BLTP3B: variants seen among roughly 807,000 people sequenced by gnomAD.
BLTP3B encodes UHRF1 (ICBP90) binding protein 1-like.
At chr12:100,084,585 C>T in the BLTP3B span, 2 of 1,614,014 alleles carry the variant, frequency 1.2e-6, no homozygotes. Flanking sequence ...CAAATTCATG[C>T]AATAACTCAT....
At chr12:100,117,459 C>T in the BLTP3B span, among the ~76,000 whole-genome samples, 1 of 152,066 alleles carries the variant, frequency 6.6e-6, no homozygotes, top group African/African-American at 2.4e-5. Flanking sequence ...GAATTACCTG[C>T]AGAACTTTTT....
the BLTP3B span, among the ~76,000 whole-genome samples, chr12:100,124,214 C>G: frequency 6.6e-6 from 1 of 151,830 alleles, no homozygotes; most frequent in East Asian, 1.9e-4. Flanking sequence ...TTTGAGGCTG[C>G]ATTTAAGTGT....
the BLTP3B span, among the ~76,000 whole-genome samples, chr12:100,124,974 A>ATATATATTTATATT: frequency 3.0e-5 from 3 of 100,428 alleles, no homozygotes; most frequent in Non-Finnish European, 5.4e-5. Flanking sequence ...ATATATATAT[A>ATATATATTTATATT]TATATTTATA....
At chr12:100,102,706 T>C in the BLTP3B span, 6 of 1,150,518 alleles carry the variant, frequency 5.2e-6, no homozygotes, top group African/African-American at 4.9e-5. Flanking sequence ...AAGGCTTTTT[T>C]TTTTTTTTTT....
chr12:100,099,252 C>T, the BLTP3B span, among the ~76,000 whole-genome samples: 2 of 151,594 alleles, frequency 1.3e-5, no homozygotes, highest in Non-Finnish European at 2.9e-5. Context: ...CCTTGGCCTC[C>T]CAAAGTGATG....
At chr12:100,059,565 C>G in the BLTP3B span, 2 of 1,537,960 alleles carry the variant, frequency 1.3e-6, no homozygotes, top group Non-Finnish European at 1.7e-6. Context: ...TCTCATCCAA[C>G]TGGCAAATCC....
the BLTP3B span, among the ~76,000 whole-genome samples, chr12:100,052,866 T>G: frequency 6.8e-6 from 1 of 147,174 alleles, no homozygotes; most frequent in Non-Finnish European, 1.5e-5. Context: ...CGATCTCTGC[T>G]CACTGCAGCC....
the BLTP3B span, among the ~76,000 whole-genome samples, chr12:100,124,726 AC>A: frequency 6.6e-6 from 1 of 150,714 alleles, no homozygotes; most frequent in Non-Finnish European, 1.5e-5. Context: ...AGCCTGAGAA[AC>A]AGAGTGAGAC....
the BLTP3B span, among the ~76,000 whole-genome samples, chr12:100,133,246 A>T: frequency 1.3e-5 from 2 of 152,204 alleles, no homozygotes; most frequent in South Asian, 2.1e-4. Flanking sequence ...TGTCTCAAAA[A>T]AATAAATAAA....
At chr12:100,037,930 C>A in the BLTP3B span, among the ~76,000 whole-genome samples, 1 of 152,174 alleles carries the variant, frequency 6.6e-6, no homozygotes, top group African/African-American at 2.4e-5. Context: ...GTATCAAGCA[C>A]TTAAAAAATG....
the BLTP3B span, among the ~76,000 whole-genome samples, chr12:100,063,182 G>C: frequency 8.5e-5 from 13 of 152,064 alleles, no homozygotes. Context: ...AAAACTGGGA[G>C]GACCCGTAGA....
the BLTP3B span, chr12:100,089,089 T>G: frequency 6.4e-7 from 1 of 1,557,180 alleles, no homozygotes; most frequent in South Asian, 1.2e-5. Context: ...GCGACTACTG[T>G]AGAGCTCTAA....
the BLTP3B span, among the ~76,000 whole-genome samples, chr12:100,106,202 C>T: frequency 2.4e-3 from 361 of 151,916 alleles, 2 homozygotes; most frequent in African/African-American, 8.2e-3. Context: ...ATCCCACTAC[C>T]GAGTGGGTAC....
the BLTP3B span, among the ~76,000 whole-genome samples, chr12:100,085,849 A>T: frequency 4.6e-5 from 7 of 152,048 alleles, no homozygotes; most frequent in Non-Finnish European, 8.8e-5. Context: ...TTAGCTAAAC[A>T]TACTCTTATT....
chr12:100,095,844 GA>G, the BLTP3B span: 290 of 1,546,344 alleles, frequency 1.9e-4, no homozygotes, highest in East Asian at 6.0e-4. Context: ...TTAACTGTAG[GA>G]AAAAAAAATG....
chr12:100,083,382 T>G, the BLTP3B span, among the ~76,000 whole-genome samples: 1 of 152,168 alleles, frequency 6.6e-6, no homozygotes, highest in Non-Finnish European at 1.5e-5. Context: ...AATGGGACTC[T>G]TGTTAAAAAT....
At chr12:100,060,158 G>C in the BLTP3B span, 76 of 842,102 alleles carry the variant, frequency 9.0e-5, no homozygotes, top group Non-Finnish European at 1.3e-4. Flanking sequence ...AAACAAATTT[G>C]AGGTATTATT....
At chr12:100,114,724 C>T in the BLTP3B span, among the ~76,000 whole-genome samples, 2 of 152,218 alleles carry the variant, frequency 1.3e-5, no homozygotes, top group African/African-American at 2.4e-5. Flanking sequence ...AGTACTTTGG[C>T]TTGGATCACT....
the BLTP3B span, among the ~76,000 whole-genome samples, chr12:100,081,890 T>G: frequency 6.6e-6 from 1 of 152,220 alleles, no homozygotes; most frequent in African/African-American, 2.4e-5. Flanking sequence ...GCACGTTATC[T>G]TTGGTAGAAA....
Sources: allele counts gnomAD v4.1 joint callset (sites outside exome capture counted in the v4.1 genomes callset), GRCh38; gene constraint gnomAD v4.1.1; transcripts MANE v1.5; gene names NCBI Gene and HGNC (gene_info 2026-07-23, HGNC 2026-07-21).